BICD1: variants seen among roughly 807,000 people sequenced by gnomAD.
BICD1 encodes the protein protein bicaudal D homolog 1.
Under a neutral mutation model 92.5 loss-of-function variants are expected in BICD1, and 35 were observed. The observed-to-expected ratio is 0.38, with a 90% CI of 0.29 to 0.50. The LOEUF (loss-of-function observed/expected upper bound fraction) is 0.50. BICD1 is among the 20% of genes least tolerant of loss of function. The pLI is 0.93. For synonymous variants in BICD1, 429 were observed against 465.1 expected (o/e 0.92, Z 1.00); for missense variants, 950 against 1,189.8 (o/e 0.80, Z 2.97).
chr12:32,302,747 C>T (rs984416265), intron 3 of BICD1, among the ~76,000 whole-genome samples: 1 of 151,942 alleles, frequency 6.6e-6, no homozygotes, highest in Non-Finnish European at 1.5e-5. Flanking sequence ...TATATTTATT[C>T]AAATGCATAT....
intron 1 of BICD1, among the ~76,000 whole-genome samples, chr12:32,165,144 T>C (rs1419655585): frequency 6.6e-6 from 1 of 152,044 alleles, no homozygotes; most frequent in Non-Finnish European, 1.5e-5. Context: ...AATGGAATAT[T>C]AGGAGGGGAA....
chr12:32,158,616 G>A (rs1221280985), intron 1 of BICD1, among the ~76,000 whole-genome samples: 1 of 152,128 alleles, frequency 6.6e-6, no homozygotes, highest in Non-Finnish European at 1.5e-5. Flanking sequence ...TTCCTGTGTG[G>A]AGAGAAGCCC....
chr12:32,139,423 G>T (rs1942831167), intron 1 of BICD1, among the ~76,000 whole-genome samples: 1 of 152,076 alleles, frequency 6.6e-6, no homozygotes, highest in Non-Finnish European at 1.5e-5. Context: ...TTAAATCAGA[G>T]TTTAATCCAT....
chr12:32,214,863 A>ACC (rs1945306488), intron 1 of BICD1, among the ~76,000 whole-genome samples: 1 of 152,112 alleles, frequency 6.6e-6, no homozygotes, highest in Non-Finnish European at 1.5e-5. Flanking sequence ...TTCCCCCAAC[A>ACC]CCGAGAGGTT....
intron 2 of BICD1, among the ~76,000 whole-genome samples, chr12:32,278,727 G>A (rs977378569): frequency 1.3e-5 from 2 of 152,128 alleles, no homozygotes; most frequent in Non-Finnish European, 2.9e-5. Context: ...GTGTTGGCGG[G>A]CGCCTGTAGT....
At chr12:32,358,984 A>G (rs1401944418) in intron 8 of BICD1, among the ~76,000 whole-genome samples, 1 of 152,106 alleles carries the variant, frequency 6.6e-6, no homozygotes, top group Non-Finnish European at 1.5e-5. Flanking sequence ...CTATTAATGA[A>G]TAGTTTGAAA....
In BICD1 at chr12:32,378,816, T is replaced by G. The variant is rs1565708049; in HGVS notation, c.*1189T>G. 2.0e-5 allele frequency: 3 copies of G among 152,198 alleles called. No homozygotes were observed. The highest frequency in any genetic ancestry group is 7.2e-5 in the African/African-American group (3 of 41,448). The allele number at this position is 152,198 out of a possible 1,614,324, so 9.4% of individuals were successfully genotyped here. On this transcript the variant is annotated 3_prime_UTR_variant, in exon 10 of 10. Coordinates refer to ENST00000652176, the MANE Select transcript of BICD1 (RefSeq NM_001714.4). ...TGTCTACTTTTGACAAACACTCAGG[T>G]GCCTACAAACATTCTATTATCTTGA...
At chr12:32,233,323 A>AAAAAAAAAG (rs1945952609) in intron 2 of BICD1, among the ~76,000 whole-genome samples, 1 of 26,552 alleles carries the variant, frequency 3.8e-5, no homozygotes, top group African/African-American at 2.0e-4. Flanking sequence ...GTCTGTCTTT[A>AAAAAAAAAG]AAAAAAAAAA....
At chr12:32,340,982 T>C (rs1938343085) in intron 8 of BICD1, among the ~76,000 whole-genome samples, 1 of 152,134 alleles carries the variant, frequency 6.6e-6, no homozygotes, top group Non-Finnish European at 1.5e-5. Flanking sequence ...TCAAGAAGGG[T>C]ATATCAATGT....
intron 1 of BICD1, among the ~76,000 whole-genome samples, chr12:32,141,114 C>T (rs547746485): frequency 1.7e-4 from 26 of 152,272 alleles, no homozygotes; most frequent in Admixed American, 1.4e-3. Flanking sequence ...TTCCCTTTGG[C>T]GGAGTGGTTA....
intron 8 of BICD1, among the ~76,000 whole-genome samples, chr12:32,345,528 G>A (rs141538639): frequency 6.6e-6 from 1 of 152,076 alleles, no homozygotes; most frequent in East Asian, 1.9e-4. Context: ...AAAAACATAT[G>A]CATTTTACAT....
chr12:32,377,398 T>G (rs1049456498), intron 9 of BICD1, 142 bp from the exon 10 acceptor site: 30 of 657,164 alleles, frequency 4.6e-5, no homozygotes, highest in Middle Eastern at 2.5e-4. Flanking sequence ...TATCTTGGCA[T>G]GCTTTAGATG....
rs35842294 is a variant in BICD1 at position 32,204,346 on chromosome 12, C to CAA, written c.214-11887_214-11886dup. Among the ~76,000 whole-genome samples the CAA allele has an allele frequency of 7.8e-3, 1,024 of 131,944 alleles. 12 individuals carry two copies. The highest frequency in any genetic ancestry group is 0.021 in the African/African-American group (757 of 35,598). The allele number at this position is 131,944 out of a possible 152,430, so 86.6% of individuals were successfully genotyped here. A position where few individuals can be genotyped will look rare whatever the true frequency, so the allele number is the denominator to read the frequency against. On this transcript the variant is annotated intron_variant, in intron 1 of 9. Transcript: ENST00000652176. Reference sequence around the variant, plus strand: ...ACCTGGGCAACAGAGGAGACCCTGTCAAAAAAAAAAAAAAATGAAAATGTG... The same window carrying CAA: ...ACCTGGGCAACAGAGGAGACCCTGTCAAAAAAAAAAAAAAAAATGAAAATGTG...
chr12:32,324,614 C>T (rs946446544), intron 4 of BICD1, among the ~76,000 whole-genome samples: 1 of 152,044 alleles, frequency 6.6e-6, no homozygotes, highest in African/African-American at 2.4e-5. Flanking sequence ...CTCACTCTGT[C>T]GCCCAGGCTG....
chr12:32,349,336 T>C (rs926257836), intron 8 of BICD1, among the ~76,000 whole-genome samples: 3 of 152,176 alleles, frequency 2.0e-5, no homozygotes, highest in Non-Finnish European at 4.4e-5. Flanking sequence ...AAACTGTACC[T>C]TGCAAAGGGA....
intron 4 of BICD1, among the ~76,000 whole-genome samples, chr12:32,309,690 A>C (rs1463500871): frequency 6.6e-6 from 1 of 152,194 alleles, no homozygotes; most frequent in African/African-American, 2.4e-5. Flanking sequence ...CGTTGTAGGA[A>C]TAGCACTGTC....
intron 8 of BICD1, among the ~76,000 whole-genome samples, chr12:32,346,581 TAC>T (rs1491518891): frequency 0.018 from 258 of 14,660 alleles, 20 homozygotes; most frequent in African/African-American, 0.03. Context: ...TATATATATA[TAC>T]GTGTATATAT....
chr12:32,240,821 G>A (rs1946216103), intron 2 of BICD1, among the ~76,000 whole-genome samples: 1 of 152,160 alleles, frequency 6.6e-6, no homozygotes, highest in Non-Finnish European at 1.5e-5. Context: ...TGTAACTTTG[G>A]CTACAAATGA....
At position 32,126,237 on chromosome 12, in the gene BICD1, C is replaced by T. The variant is rs564828219; in HGVS notation, c.213+18693C>T. ...GACCCTACAACTATTGTGGGGGGAA[C>T]TGGATGTGGTGGGAAAAATTGTATA... On this transcript the variant is annotated intron_variant, in intron 1 of 9. Transcript: ENST00000652176. Among the ~76,000 whole-genome samples the T allele has an allele frequency of 5.2e-4, 79 of 152,094 alleles. 1 individual carries two copies. The South Asian group carries it at 0.016, about 32-fold the overall frequency.
Sources: gnomAD v4.1 joint callset for allele counts (sites outside exome capture counted in the v4.1 genomes callset) on GRCh38, gnomAD v4.1.1 for gene constraint, MANE v1.5 for transcripts, NCBI Gene and HGNC (gene_info 2026-07-23, HGNC 2026-07-21) for gene names.